Variants in DPYD observed in about 807,000 individuals in gnomAD.
The protein encoded by DPYD is dihydropyrimidine dehydrogenase.
A neutral mutation model predicts 116.2 loss-of-function variants in DPYD; 109 were observed. The ratio of observed to expected loss-of-function variants is 0.94; its 90% CI spans 0.80 to 1.10. The LOEUF is 1.10. Ranked by LOEUF, DPYD falls within the 50% of genes least tolerant of loss-of-function variation. The pLI, the probability that DPYD is intolerant of heterozygous loss-of-function variation, is 0.00. For missense variants in DPYD, 1,302 were observed against 1,254.5 expected (o/e 1.04, Z -0.57); for synonymous variants, 440 against 432.0 (o/e 1.02, Z -0.23).
intron 16 of DPYD, among the ~76,000 whole-genome samples, chr1:97,365,342 C>T (rs1014710571): frequency 1.6e-4 from 25 of 152,178 alleles, no homozygotes; most frequent in Non-Finnish European, 2.4e-4. Context: ...TCTGCCCTGA[C>T]AATCTCTATT....
At chr1:97,866,802 G>C (rs577291757) in intron 2 of DPYD, among the ~76,000 whole-genome samples, 1 of 151,876 alleles carries the variant, frequency 6.6e-6, no homozygotes, top group Non-Finnish European at 1.5e-5. Context: ...GTAAGGAAGT[G>C]CAGTATGTAT....
intron 10 of DPYD, among the ~76,000 whole-genome samples, chr1:97,577,199 A>G (rs983656496): frequency 3.3e-5 from 5 of 152,158 alleles, no homozygotes; most frequent in Non-Finnish European, 7.3e-5. Context: ...CACCCTTGAC[A>G]CACATAGTTT....
chr1:97,172,145 A>G (rs1173168234), intron 20 of DPYD, among the ~76,000 whole-genome samples: 1 of 152,190 alleles, frequency 6.6e-6, no homozygotes, highest in Non-Finnish European at 1.5e-5. Flanking sequence ...CATTGTCACA[A>G]CTGTAGGCAT....
intron 19 of DPYD, among the ~76,000 whole-genome samples, chr1:97,193,605 T>C (rs1658540872): frequency 6.6e-6 from 1 of 152,196 alleles, no homozygotes; most frequent in Admixed American, 6.5e-5. Flanking sequence ...AAATTCTCAT[T>C]GTCACTCTAT....
chr1:97,557,083 G>C (rs1197612513), intron 11 of DPYD, among the ~76,000 whole-genome samples: 1 of 151,860 alleles, frequency 6.6e-6, no homozygotes, highest in Non-Finnish European at 1.5e-5. Context: ...TTGTGGTTTT[G>C]ATTTGCATTT....
chr1:97,787,619 G>T (rs1446674334), intron 3 of DPYD, among the ~76,000 whole-genome samples: 1 of 152,028 alleles, frequency 6.6e-6, no homozygotes, highest in Non-Finnish European at 1.5e-5. Context: ...CAATTTTTAT[G>T]ATGTCCTCCA....
At chr1:97,288,166 G>A (rs6702673) in intron 18 of DPYD, among the ~76,000 whole-genome samples, 88,653 of 149,724 alleles carry the variant, frequency 0.59, 26,487 homozygotes, top group South Asian at 0.71. Flanking sequence ...CCCAGTACAG[G>A]AGCACCCAGA....
At chr1:97,425,409 T>C (rs375939644) in intron 14 of DPYD, among the ~76,000 whole-genome samples, 1 of 151,994 alleles carries the variant, frequency 6.6e-6, no homozygotes, top group East Asian at 1.9e-4. Context: ...CAAACAATTA[T>C]TATCCTATTA....
chr1:97,612,157 T>C (rs1427347721), intron 8 of DPYD, among the ~76,000 whole-genome samples: 3 of 152,034 alleles, frequency 2.0e-5, no homozygotes, highest in Non-Finnish European at 2.9e-5. Context: ...ACCAACTTAA[T>C]ATGGTGTTGC....
intron 3 of DPYD, among the ~76,000 whole-genome samples, chr1:97,748,951 G>T (rs893244313): frequency 6.6e-6 from 1 of 152,106 alleles, no homozygotes; most frequent in African/African-American, 2.4e-5. Context: ...CTACATTCTA[G>T]CTAAAAATGT....
At chr1:97,876,874 T>G (rs1671947014) in intron 2 of DPYD, among the ~76,000 whole-genome samples, 1 of 151,922 alleles carries the variant, frequency 6.6e-6, no homozygotes, top group South Asian at 2.1e-4. Flanking sequence ...AAAAGTAACT[T>G]TTTTCCTCCA....
chr1:97,757,084 A>G (rs903720191), intron 3 of DPYD, among the ~76,000 whole-genome samples: 2 of 152,204 alleles, frequency 1.3e-5, no homozygotes, highest in African/African-American at 4.8e-5. Flanking sequence ...ATATCCTGAT[A>G]GGTCTCAAGA....
intron 8 of DPYD, among the ~76,000 whole-genome samples, chr1:97,637,753 T>G (rs1258683426): frequency 3.3e-5 from 5 of 152,182 alleles, no homozygotes; most frequent in African/African-American, 1.2e-4. Flanking sequence ...TGCTTTCTAA[T>G]TAATATTTTT....
chr1:97,433,396 A>G (rs1675289956), intron 14 of DPYD, among the ~76,000 whole-genome samples: 1 of 152,116 alleles, frequency 6.6e-6, no homozygotes, highest in African/African-American at 2.4e-5. Flanking sequence ...TACAATTTTA[A>G]CTGGTGTCTC....
chr1:97,148,254 G>GA (rs988096761), intron 20 of DPYD, among the ~76,000 whole-genome samples: 2 of 77,182 alleles, frequency 2.6e-5, no homozygotes, highest in African/African-American at 1.5e-4. Flanking sequence ...GTGTGTGTGT[G>GA]GGGGGGGTGT....
intron 20 of DPYD, among the ~76,000 whole-genome samples, chr1:97,173,304 ATATATATG>A (rs1656930620): frequency 3.0e-5 from 4 of 135,238 alleles, no homozygotes; most frequent in African/African-American, 2.8e-5. Context: ...ACATATGTAC[ATATATATG>A]CACACATATA....
chr1:97,441,389 T>C (rs1304623813), intron 14 of DPYD, among the ~76,000 whole-genome samples: 1 of 152,142 alleles, frequency 6.6e-6, no homozygotes, highest in African/African-American at 2.4e-5. Flanking sequence ...TACTTCTCTC[T>C]CTTTCTCTGT....
intron 13 of DPYD, among the ~76,000 whole-genome samples, chr1:97,472,942 C>A (rs1677742141): frequency 6.6e-6 from 1 of 152,146 alleles, no homozygotes; most frequent in Admixed American, 6.5e-5. Flanking sequence ...ACTGACACAG[C>A]CATCACCTCA....
At chr1:97,482,671 G>A (rs1678388906) in intron 13 of DPYD, among the ~76,000 whole-genome samples, 1 of 152,130 alleles carries the variant, frequency 6.6e-6, no homozygotes, top group African/African-American at 2.4e-5. Flanking sequence ...AATACGAGTA[G>A]CCATTAAAGA....
Sources: gnomAD v4.1 joint callset for allele counts (sites outside exome capture counted in the v4.1 genomes callset) on GRCh38, gnomAD v4.1.1 for gene constraint, MANE v1.5 for transcripts, NCBI Gene and HGNC (gene_info 2026-07-23, HGNC 2026-07-21) for gene names.